The following ASZ1 variants were observed in gnomAD, a reference collection of about 807,000 sequenced individuals.
The protein encoded by ASZ1 is ankyrin repeat, SAM and basic leucine zipper domain containing 1.
A neutral mutation model predicts 61.8 loss-of-function variants in ASZ1; 67 were observed. The ratio of observed to expected loss-of-function variants is 1.08; its 90% confidence interval spans 0.89 to 1.33. The LOEUF (loss-of-function observed/expected upper bound fraction) is 1.33. Among genes scored for constraint, ASZ1 ranks in the 40% most tolerant of loss-of-function variants. The pLI is 0.00. For synonymous variants in ASZ1, 193 were observed against 192.7 expected (o/e 1.00, Z -0.01); for missense variants, 577 against 554.5 (o/e 1.04, Z -0.41).
intron 4 of ASZ1, among the ~76,000 whole-genome samples, chr7:117,413,091 G>GA (rs941428728): frequency 1.2e-4 from 18 of 149,644 alleles, no homozygotes; most frequent in East Asian, 2.0e-4. Context: ...GAACAAGACA[G>GA]AAAAAAAAAC....
chr7:117,370,804 T>TTGTG (rs3138784), intron 10 of ASZ1, among the ~76,000 whole-genome samples: 22,572 of 133,084 alleles, frequency 0.17, 1,978 homozygotes, highest in African/African-American at 0.19. Context: ...CCAAAGGTAA[T>TTGTG]TGTGTGTGTG....
At chr7:117,426,759 A>C in intron 2 of ASZ1, 77 bp downstream of exon 2, 1 of 1,294,508 alleles carries the variant, frequency 7.7e-7, no homozygotes, top group Non-Finnish European at 1.1e-6. Context: ...GAAAAGCAAC[A>C]TAAACCTTTT....
intron 4 of ASZ1, among the ~76,000 whole-genome samples, chr7:117,398,799 A>AT (rs1281296241): frequency 6.6e-6 from 1 of 152,140 alleles, no homozygotes. Context: ...TGGTTAAAAT[A>AT]TTTCTAGATA....
chr7:117,389,433 CA>C (rs1390528797), intron 4 of ASZ1, among the ~76,000 whole-genome samples: 1 of 152,104 alleles, frequency 6.6e-6, no homozygotes, highest in Non-Finnish European at 1.5e-5. Flanking sequence ...AGCTTTGAAA[CA>C]TATTTTGAAA....
At chr7:117,415,390 C>A (rs981960640) in intron 4 of ASZ1, among the ~76,000 whole-genome samples, 2 of 152,176 alleles carry the variant, frequency 1.3e-5, no homozygotes, top group African/African-American at 4.8e-5. Context: ...CCAATTATCA[C>A]TGACGGATCT....
rs35394991 is a variant in ASZ1 at position 117,364,419 on chromosome 7, CAGAGAGAG to C, written c.1276-679_1276-672del. ...TGTGTTTCTGTGAGAGACAGAGAGA[CAGAGAGAG>C]AGAGAGAGAGAGAGAGAAGGGGGAA... On this transcript the variant is annotated intron_variant, in intron 12 of 12. Transcript: ENST00000284629. 9.0e-3 allele frequency among the ~76,000 whole-genome samples: 1,310 copies of C among 145,298 alleles called. 44 individuals are homozygous for C. Among genetic ancestry groups the C allele is most frequent in the Admixed American group, 0.065 (943 of 14,596 alleles).
chr7:117,401,959 T>C (rs551081992), intron 4 of ASZ1, among the ~76,000 whole-genome samples: 1 of 152,206 alleles, frequency 6.6e-6, no homozygotes, highest in Admixed American at 6.5e-5. Context: ...TATTCTTGAA[T>C]GGCCCTCATA....
rs1350399059 is a variant in ASZ1 at position 117,417,346 on chromosome 7, C to CA, written c.440+2816dup. 3.3e-5 allele frequency among the ~76,000 whole-genome samples: 5 copies of CA among 152,240 alleles called. No homozygotes were observed. The East Asian group carries it at 9.6e-4, about 29-fold the overall frequency. On this transcript the variant is annotated intron_variant, in intron 4 of 12. Coordinates refer to ENST00000284629, the MANE Select transcript of ASZ1 (RefSeq NM_130768.3). Reference sequence around the variant, plus strand: ...TTTTCTCAGCAATGGCATTGCTCAACAAAAAAGGCTACATCAACAGCCTGA... The same window carrying CA: ...TTTTCTCAGCAATGGCATTGCTCAACAAAAAAAGGCTACATCAACAGCCTGA...
intron 10 of ASZ1, among the ~76,000 whole-genome samples, chr7:117,375,987 A>G (rs1273586234): frequency 3.9e-5 from 6 of 152,096 alleles, no homozygotes; most frequent in Non-Finnish European, 1.5e-5. Context: ...CAATGACACT[A>G]AAAGCAAAAA....
At chr7:117,416,056 T>C (rs1340020832) in intron 4 of ASZ1, among the ~76,000 whole-genome samples, 2 of 152,052 alleles carry the variant, frequency 1.3e-5, no homozygotes, top group Non-Finnish European at 2.9e-5. Flanking sequence ...CTAGGAGTGG[T>C]GGCATACCTG....
chr7:117,367,382 C>T lies in ASZ1; in HGVS notation c.1245G>A (p.Lys415=). The change falls in exon 12 of 13, where the codon AAG becomes AAA. Residue 415 remains lysine (K), a synonymous_variant. Transcript: ENST00000284629. ...LVNNVEDLSE[K]VCKLKDLIQK... ...GAATTAGGTCTTTTAGTTTGCAGACCTTTTCACTCAAATCTTCAACATTAT... is the reference window on the plus strand; with the variant it reads ...GAATTAGGTCTTTTAGTTTGCAGACTTTTTCACTCAAATCTTCAACATTAT... The T allele has an allele frequency of 1.3e-6, 2 of 1,556,118 alleles. No individual in the cohort carries two copies. The highest frequency in any genetic ancestry group is 1.3e-5 in the South Asian group (1 of 79,770).
chr7:117,379,960 C>T lies in ASZ1; in HGVS notation c.1033G>A (p.Glu345Lys). Residue 345 changes from glutamate to lysine, a missense_variant, in exon 10 of 13, where the codon GAA becomes AAA. Physicochemically the swap from Glu to Lys is moderately conservative, Grantham distance 56. Coordinates refer to ENST00000284629, the MANE Select transcript of ASZ1 (RefSeq NM_130768.3). ...TACCTGATTTCCAACTTTGTCTCTT[C>T]AGATAGCTCTCCAAATTGTATCTCT... Reference protein sequence around the residue: ...VEEIQFGELSEETKLEISGDE... With the variant: ...VEEIQFGELSKETKLEISGDE... 1.2e-6 allele frequency: 2 copies of T among 1,600,998 alleles called. No individual in the cohort carries two copies. The highest frequency in any genetic ancestry group is 2.2e-5 in the South Asian group (2 of 90,258).
chr7:117,368,700 T>C lies in ASZ1; in HGVS notation c.1073A>G (p.Asn358Ser), dbSNP rs1401293113. The C allele has an allele frequency of 1.2e-6, 2 of 1,612,626 alleles. No homozygotes were observed. The highest frequency in any genetic ancestry group is 1.7e-6 in the Non-Finnish European group (2 of 1,179,398). The change falls in exon 11 of 13, where the codon AAC (asparagine) becomes AGC (serine). Residue 358 changes from asparagine (N) to serine (S), a missense_variant. Physicochemically the swap from Asn to Ser is conservative, Grantham distance 46 (BLOSUM62 1). Coordinates refer to ENST00000284629, the MANE Select transcript of ASZ1 (RefSeq NM_130768.3). Reference protein sequence around the residue: ...KLEISGDEFLNFLLKLNKQCG... With the variant: ...KLEISGDEFLSFLLKLNKQCG... ...CTGTTTATTTAATTTGAGAAGAAAG[T>C]TGAGGAACTCATCACCACTAAAGAA...
intron 4 of ASZ1, among the ~76,000 whole-genome samples, chr7:117,417,557 A>G (rs1433605980): frequency 2.0e-5 from 3 of 152,074 alleles, no homozygotes; most frequent in Admixed American, 6.6e-5. Context: ...TGTACTCCCC[A>G]TATGTCCTGA....
chr7:117,419,740 T>C (rs1422545684), intron 4 of ASZ1, among the ~76,000 whole-genome samples: 1 of 152,190 alleles, frequency 6.6e-6, no homozygotes, highest in African/African-American at 2.4e-5. Flanking sequence ...ATTCGTGAAG[T>C]CTTAAGAAAA....
chr7:117,422,341 T>C lies in ASZ1; in HGVS notation c.224A>G (p.Asn75Ser), dbSNP rs200780940. ...LLDSGISVDS[N>S]FQYGWTPLMY... Reference sequence around the variant, plus strand: ...AAGGGGAGTCCATCCATACTGAAAGTTGGAATCTACACTAATGCCTGTCAA... The same window carrying C: ...AAGGGGAGTCCATCCATACTGAAAGCTGGAATCTACACTAATGCCTGTCAA... The change falls in exon 3 of 13, where the codon AAC becomes AGC. Residue 75 changes from asparagine (N) to serine (S), a missense_variant. Coordinates refer to ENST00000284629, the MANE Select transcript of ASZ1 (RefSeq NM_130768.3). 1.7e-5 allele frequency: 28 copies of C among 1,612,026 alleles called. No homozygotes were observed. The highest frequency in any genetic ancestry group is 1.0e-5 in the Non-Finnish European group (12 of 1,179,364).
In ASZ1 at chr7:117,426,944, G is replaced by A. The variant is rs1201816209; in HGVS notation, c.106-9C>T. On this transcript the variant is annotated splice_polypyrimidine_tract_variant and intron_variant, in intron 1 of 12. Coordinates refer to ENST00000284629, the MANE Select transcript of ASZ1 (RefSeq NM_130768.3). ...AATAGCCTTTTCAATTTCTAGAAAA[G>A]TAAACATTTTAAAAAATTCTTGTTA... 1.3e-6 allele frequency: 2 copies of A among 1,577,894 alleles called. No homozygotes were observed. The highest frequency in any genetic ancestry group is 1.4e-5 in the African/African-American group (1 of 72,506).
At chr7:117,411,662 C>T (rs1397945616) in intron 4 of ASZ1, among the ~76,000 whole-genome samples, 1 of 151,836 alleles carries the variant, frequency 6.6e-6, no homozygotes, top group African/African-American at 2.4e-5. Context: ...AGGATATTAT[C>T]ATCGTTATGG....
At chr7:117,390,274 AT>A (rs1171937168) in intron 4 of ASZ1, among the ~76,000 whole-genome samples, 1 of 152,024 alleles carries the variant, frequency 6.6e-6, no homozygotes, top group Non-Finnish European at 1.5e-5. Context: ...AGCCCAAGCA[AT>A]TCTTCCACCT....
Sources: gnomAD v4.1 joint callset for allele counts (sites outside exome capture counted in the v4.1 genomes callset) on GRCh38, gnomAD v4.1.1 for gene constraint, MANE v1.5 for transcripts, NCBI Gene and HGNC (gene_info 2026-07-23, HGNC 2026-07-21) for gene names.